The following ZNF592 variants were observed in gnomAD, a reference collection of about 807,000 sequenced individuals.
ZNF592 encodes the protein zinc finger protein 592, also known as spinocerebellar ataxia, autosomal recessive 5.
Under a neutral mutation model 80.3 loss-of-function variants are expected in ZNF592, and 11 were observed. The ratio of observed to expected loss-of-function variants is 0.14; its 90% CI spans 0.09 to 0.23. ZNF592 has a LOEUF of 0.23. ZNF592 is among the 10% of genes least tolerant of loss of function. ZNF592 has a pLI of 1.00. For missense variants in ZNF592, 1,420 were observed against 1,633.9 expected, an observed-to-expected ratio of 0.87 and a Z score of 2.26; for synonymous variants, 646 against 640.3, an observed-to-expected ratio of 1.01 and a Z score of -0.13.
intron 1 of ZNF592, among the ~76,000 whole-genome samples, chr15:84,750,896 C>T (rs539138671): frequency 6.6e-6 from 1 of 152,318 alleles, no homozygotes; most frequent in East Asian, 1.9e-4. Context: ...GGCAGAATGC[C>T]TCCCTCCTTA....
At chr15:84,754,330 G>C (rs1745612827) in intron 1 of ZNF592, 1 of 152,224 alleles carries the variant, frequency 6.6e-6, no homozygotes, top group African/African-American at 2.4e-5. Context: ...GGGAGGATGA[G>C]GTGGGCGGAT....
intron 4 of ZNF592, among the ~76,000 whole-genome samples, chr15:84,789,969 AGTACTT>A (rs1215222953): frequency 2.6e-5 from 4 of 152,182 alleles, no homozygotes; most frequent in Non-Finnish European, 5.9e-5. Context: ...GTCTGGTTGT[AGTACTT>A]GTACTTCCCC....
chr15:84,785,999 C>T (rs1217723390), intron 4 of ZNF592, among the ~76,000 whole-genome samples: 2 of 152,170 alleles, frequency 1.3e-5, no homozygotes, highest in Non-Finnish European at 2.9e-5. Context: ...CAGACCCACC[C>T]CTCATGGTGC....
chr15:84,786,866 T>TG (rs1962601147), intron 4 of ZNF592, among the ~76,000 whole-genome samples: 1 of 147,226 alleles, frequency 6.8e-6, no homozygotes, highest in Non-Finnish European at 1.5e-5. Flanking sequence ...TTTTTTTTTT[T>TG]GTGAGACGGA....
rs1428976235 is a variant in ZNF592, at chr15:84,803,453, G to C, written c.*1060G>C. The C allele has an allele frequency of 1.3e-5, 2 of 152,514 alleles. No homozygotes were observed. The highest frequency in any genetic ancestry group is 4.8e-5 in the African/African-American group (2 of 41,412). The allele number at this position is 152,514 out of a possible 1,614,324, so 9.4% of individuals were successfully genotyped here. ...CCTTCTCTAGATTCTGGAGCTTGTG[G>C]TTAGGAAACCGGGAGCCCTGTACTA... On this transcript the variant is annotated 3_prime_UTR_variant, in exon 11 of 11. Coordinates refer to ENST00000560079, the MANE Select transcript of ZNF592 (RefSeq NM_014630.3).
Position 84,784,820 on chromosome 15 carries a change from A to G in ZNF592, c.2145A>G (p.Glu715=). 6 of 1,614,094 alleles carry G rather than the reference A, an allele frequency of 3.7e-6. No individual in the cohort carries two copies. The highest frequency in any genetic ancestry group is 4.2e-6 in the Non-Finnish European group (5 of 1,180,016). The change falls in exon 4 of 11, where the codon GAA becomes GAG. Residue 715 remains glutamate (E), a synonymous_variant. Coordinates refer to ENST00000560079, the MANE Select transcript of ZNF592 (RefSeq NM_014630.3). The surrounding 1 kb of genome is among the most constrained non-coding windows in gnomAD (Gnocchi z 5.8). ...TCCGGTACTCAATCAAGTGTCTTGA[A>G]TGTCACAAGCAGATGCGGGACTACA... ...RLIRYSIKCL[E]CHKQMRDYMV...
In ZNF592 at chr15:84,802,015, C is replaced by T; in HGVS notation, c.3426C>T (p.His1142=). The change falls in exon 11 of 11, where the codon CAC becomes CAT. Residue 1142 remains histidine, a synonymous_variant. Coordinates refer to ENST00000560079, the MANE Select transcript of ZNF592 (RefSeq NM_014630.3). ...ATDSGLEFQS[H]IPQHQVDSST... Reference sequence around the variant, plus strand: ...ACTCGGGGCTCGAGTTTCAGAGCCACATACCTCAGCACCAGGTGGACAGCT... The same window carrying T: ...ACTCGGGGCTCGAGTTTCAGAGCCATATACCTCAGCACCAGGTGGACAGCT... 1.9e-6 allele frequency: 3 copies of T among 1,613,980 alleles called. No individual in the cohort carries two copies. The highest frequency in any genetic ancestry group is 1.1e-5 in the South Asian group (1 of 91,084).
At chr15:84,775,436 C>A (rs1262440425) in intron 2 of ZNF592, among the ~76,000 whole-genome samples, 1 of 145,552 alleles carries the variant, frequency 6.9e-6, no homozygotes, top group Admixed American at 6.8e-5. Flanking sequence ...TGTTGTTGTT[C>A]TGTTTTGTTT....
At position 84,784,731 on chromosome 15, in the gene ZNF592, A is replaced by T; in HGVS notation, c.2056A>T (p.Thr686Ser). Residue 686 changes from threonine to serine, a missense_variant, in exon 4 of 11, where the codon ACT (threonine) becomes TCT (serine). Thr to Ser is a moderately conservative substitution (Grantham distance 58, BLOSUM62 1). Transcript: ENST00000560079. The surrounding 1 kb of genome is among the most constrained non-coding windows in gnomAD (Gnocchi z 5.8). ...TTCATCCTCTCCCAAACATGGCCTC[A>T]CTTCGGGCAGTGCCAGTCCCCCTCC... ...APSSSPKHGL[T>S]SGSASPPPPA... 6.2e-7 allele frequency: 1 copy of T among 1,614,010 alleles called. No homozygotes were observed. Among genetic ancestry groups the T allele is most frequent in the Non-Finnish European group, 8.5e-7 (1 of 1,179,992 alleles).
At chr15:84,792,865 C>A (rs750255916) in intron 5 of ZNF592, among the ~76,000 whole-genome samples, 5 of 152,162 alleles carry the variant, frequency 3.3e-5, no homozygotes, top group Admixed American at 6.5e-5. Context: ...AAAGCACTTA[C>A]CACCAAGTTG....
chr15:84,802,771 G>T lies in ZNF592; in HGVS notation c.*378G>T, dbSNP rs374146266. 15 of 270,998 alleles carry T rather than the reference G, an allele frequency of 5.5e-5. No homozygotes were observed. The East Asian group carries it at 1.2e-3, about 21-fold the overall frequency. The allele number at this position is 270,998 out of a possible 1,614,324, so 16.8% of individuals were successfully genotyped here. On this transcript the variant is annotated 3_prime_UTR_variant, in exon 11 of 11. Transcript: ENST00000560079. ...CCCGCTTGCTGCCTTCAGCCAGGGC[G>T]CTCCTCAGAGCTCTATTTTCCTGCA...
At chr15:84,757,495 A>G (rs1355408968) in intron 1 of ZNF592, among the ~76,000 whole-genome samples, 2 of 151,972 alleles carry the variant, frequency 1.3e-5, no homozygotes, top group South Asian at 4.2e-4. Context: ...GGCATGGGCC[A>G]CAATGCCTGG....
chr15:84,766,921 C>T (rs1277747398), intron 2 of ZNF592, among the ~76,000 whole-genome samples: 1 of 152,030 alleles, frequency 6.6e-6, no homozygotes, highest in African/African-American at 2.4e-5. Flanking sequence ...TGTAGGTTGT[C>T]TGTGGTAGAT....
In ZNF592 at chr15:84,798,094, G is replaced by A. The variant is rs926076568; in HGVS notation, c.2576+49G>A. ...AGGCCCTGTGGAGCAGAGAGGAGTA[G>A]CCTGGGTGCTGTAGGGGGTGGCATA... is the stretch of plus-strand genomic sequence containing the variant. On this transcript the variant is annotated intron_variant, in intron 6 of 10. Transcript: ENST00000560079. The surrounding 1 kb of genome is among the most constrained non-coding windows in gnomAD (Gnocchi z 4.5). 3 of 1,605,428 alleles carry A rather than the reference G, an allele frequency of 1.9e-6. No individual in the cohort carries two copies. The highest frequency in any genetic ancestry group is 2.7e-5 in the African/African-American group (2 of 74,800).
chr15:84,787,366 A>T (rs1342039524), intron 4 of ZNF592, among the ~76,000 whole-genome samples: 2 of 152,170 alleles, frequency 1.3e-5, no homozygotes, highest in African/African-American at 2.4e-5. Context: ...CATGCCACTC[A>T]TTGTGGCTTC....
intron 1 of ZNF592, among the ~76,000 whole-genome samples, chr15:84,750,066 C>T (rs1293728091): frequency 6.6e-6 from 1 of 152,224 alleles, no homozygotes; most frequent in East Asian, 1.9e-4. Context: ...CTTTGGGAGG[C>T]CGAGGCGGGT....
At chr15:84,801,786 C>T (rs1291061931) in intron 10 of ZNF592, 77 bp from the exon 11 acceptor site, 1 of 1,610,978 alleles carries the variant, frequency 6.2e-7, no homozygotes, top group Admixed American at 1.7e-5. Context: ...TCTTTGAGTC[C>T]TTGGGCTCAT....
Position 84,784,850 on chromosome 15 carries a change from C to G in ZNF592, c.2175C>G (p.Val725=). 1 of 1,614,070 alleles carries G rather than the reference C, an allele frequency of 6.2e-7. No homozygotes were observed. Residue 725 remains valine (V), a synonymous_variant, in exon 4 of 11, where the codon GTC becomes GTG. Transcript: ENST00000560079. The surrounding 1 kb of genome is among the most constrained non-coding windows in gnomAD (Gnocchi z 5.8). ...ACAAGCAGATGCGGGACTACATGGT[C>G]CTGGCTGCACATTTCCAGAGGACAA... ...ECHKQMRDYM[V]LAAHFQRTTE...
chr15:84,777,208 T>C (rs186443935), intron 2 of ZNF592, among the ~76,000 whole-genome samples: 40 of 149,986 alleles, frequency 2.7e-4, no homozygotes, highest in African/African-American at 9.1e-4. Context: ...TGGGCGCAGT[T>C]GCTCACGCCT....
Sources: gnomAD v4.1 joint callset for allele counts (sites outside exome capture counted in the v4.1 genomes callset) on GRCh38, gnomAD v4.1.1 for gene constraint, Gnocchi (gnomAD v3.1) non-coding constraint, MANE v1.5 for transcripts, NCBI Gene and HGNC (gene_info 2026-07-23, HGNC 2026-07-21) for gene names.